ROBO2: variants seen among roughly 807,000 people sequenced by gnomAD.
ROBO2 encodes roundabout guidance receptor 2, also known as roundabout homolog 2.
A neutral mutation model predicts 160.8 loss-of-function variants in ROBO2; 53 were observed. The ratio of observed to expected loss-of-function variants is 0.33; its 90% CI spans 0.26 to 0.41. ROBO2 has a LOEUF of 0.41. ROBO2 is among the 10% of genes least tolerant of loss of function. ROBO2 has a pLI of 1.00. For missense variants in ROBO2, 1,577 were observed against 1,722.4 expected (o/e 0.92, Z 1.49); for synonymous variants, 664 against 611.7 (o/e 1.09, Z -1.26).
chr3:76,964,896 G>A (rs139946661), intron 2 of ROBO2, among the ~76,000 whole-genome samples: 42 of 152,284 alleles, frequency 2.8e-4, no homozygotes, highest in African/African-American at 1.0e-3. Flanking sequence ...AAATCAACTA[G>A]TTATTAGCTT....
intron 2 of ROBO2, among the ~76,000 whole-genome samples, chr3:77,311,740 G>A (rs1290895110): frequency 1.3e-5 from 2 of 152,064 alleles, no homozygotes; most frequent in African/African-American, 2.4e-5. Context: ...ATAATCATTT[G>A]TTTCTAATAA....
intron 2 of ROBO2, among the ~76,000 whole-genome samples, chr3:77,321,634 A>T (rs2064711240): frequency 1.3e-5 from 2 of 152,174 alleles, no homozygotes; most frequent in African/African-American, 4.8e-5. Flanking sequence ...GGCACTAGAG[A>T]TTAGTTGAGT....
intron 4 of ROBO2, among the ~76,000 whole-genome samples, chr3:77,490,870 T>C (rs2086021484): frequency 6.6e-6 from 1 of 152,250 alleles, no homozygotes; most frequent in African/African-American, 2.4e-5. Flanking sequence ...AACCATTGTG[T>C]CAGTTTAAGC....
At chr3:77,162,202 A>C (rs2078556258) in intron 2 of ROBO2, among the ~76,000 whole-genome samples, 1 of 152,174 alleles carries the variant, frequency 6.6e-6, no homozygotes, top group Admixed American at 6.5e-5. Flanking sequence ...CAGGAGAAAA[A>C]AATAAAACAG....
At chr3:75,985,842 C>T (rs1483811189) in intron 2 of ROBO2, among the ~76,000 whole-genome samples, 3 of 151,484 alleles carry the variant, frequency 2.0e-5, no homozygotes, top group African/African-American at 7.3e-5. Context: ...GCATAATGAC[C>T]TCAATTTCAT....
chr3:77,211,856 G>C (rs368901869), intron 2 of ROBO2, among the ~76,000 whole-genome samples: 5 of 152,046 alleles, frequency 3.3e-5, no homozygotes, highest in East Asian at 1.9e-4. Flanking sequence ...GCTTGTTTTT[G>C]TCAGGTTTGT....
intron 1 of ROBO2, among the ~76,000 whole-genome samples, chr3:75,926,940 G>C (rs1272965579): frequency 6.6e-6 from 1 of 152,150 alleles, no homozygotes; most frequent in Non-Finnish European, 1.5e-5. Context: ...CAGAGCATCA[G>C]TGCTTTGACC....
At chr3:75,952,517 A>G (rs1948581249) in intron 2 of ROBO2, among the ~76,000 whole-genome samples, 1 of 152,002 alleles carries the variant, frequency 6.6e-6, no homozygotes, top group South Asian at 2.1e-4. Flanking sequence ...GGTTTGCAGA[A>G]AGAAGTGAAT....
intron 2 of ROBO2, among the ~76,000 whole-genome samples, chr3:77,405,578 A>G (rs924443104): frequency 6.6e-6 from 1 of 151,942 alleles, no homozygotes; most frequent in Non-Finnish European, 1.5e-5. Context: ...TCAGAATTGC[A>G]ATTACTGAGT....
chr3:75,976,764 GGAA>G (rs1306540391), intron 2 of ROBO2, among the ~76,000 whole-genome samples: 24 of 151,414 alleles, frequency 1.6e-4, no homozygotes, highest in African/African-American at 5.6e-4. Context: ...ATACGGAAGA[GGAA>G]TTAGAAACAA....
chr3:76,144,974 T>A (rs2071830195), intron 2 of ROBO2, among the ~76,000 whole-genome samples: 1 of 147,380 alleles, frequency 6.8e-6, no homozygotes, highest in East Asian at 2.0e-4. Flanking sequence ...AGCTGTGGCT[T>A]AAAAAAAAAA....
intron 2 of ROBO2, chr3:77,317,538 A>G (rs2064131816): frequency 7.1e-6 from 10 of 1,400,188 alleles, no homozygotes; most frequent in South Asian, 2.3e-5. Context: ...TATTAAGCCA[A>G]TCCATAGCCC....
At chr3:77,632,453 G>A in intron 23 of ROBO2, 1 of 1,514,746 alleles carries the variant, frequency 6.6e-7, no homozygotes, top group Non-Finnish European at 8.8e-7. Context: ...CAACTCACTA[G>A]ACAACTACAT....
chr3:76,520,458 A>T (rs1016443973), intron 2 of ROBO2, among the ~76,000 whole-genome samples: 1 of 152,132 alleles, frequency 6.6e-6, no homozygotes, highest in Non-Finnish European at 1.5e-5. Flanking sequence ...CTCAAAAAAA[A>T]TTTCTAGTAC....
intron 2 of ROBO2, among the ~76,000 whole-genome samples, chr3:76,492,256 T>G (rs541872425): frequency 1.2e-3 from 178 of 152,336 alleles, no homozygotes; most frequent in African/African-American, 4.1e-3. Flanking sequence ...CTGTTTAATT[T>G]TATCAATCTG....
chr3:76,881,462 C>A (rs2073331365), intron 2 of ROBO2, among the ~76,000 whole-genome samples: 1 of 152,102 alleles, frequency 6.6e-6, no homozygotes. Flanking sequence ...CTAAATGAGA[C>A]TTTTCTTTTT....
chr3:76,073,267 C>CTTTT lies in ROBO2; in HGVS notation c.109+135706_109+135709dup, dbSNP rs869307615. Among the ~76,000 whole-genome samples the CTTTT allele has an allele frequency of 9.2e-4, 53 of 57,388 alleles. 15 individuals carry two copies. The highest frequency in any genetic ancestry group is 1.4e-3 in the Non-Finnish European group (39 of 28,414). The allele number at this position is 57,388 out of a possible 152,430, so 37.6% of individuals were successfully genotyped here. On this transcript the variant is annotated intron_variant, in intron 2 of 26. Transcript: ENST00000487694. Reference sequence around the variant, plus strand: ...TTGTAAACTTCTCAGAATGAGTATTCTTTTTTTTTTTTTTTTTTTTTTTTT... The same window carrying CTTTT: ...TTGTAAACTTCTCAGAATGAGTATTCTTTTTTTTTTTTTTTTTTTTTTTTTTTTT...
intron 2 of ROBO2, among the ~76,000 whole-genome samples, chr3:76,955,888 C>CA (rs35674535): frequency 0.48 from 58,952 of 123,836 alleles, 12,633 homozygotes; most frequent in South Asian, 0.62. Context: ...GAGACTCCGT[C>CA]AAAAAAAAAA....
At chr3:77,486,884 T>C (rs889889528) in intron 4 of ROBO2, among the ~76,000 whole-genome samples, 1 of 152,134 alleles carries the variant, frequency 6.6e-6, no homozygotes, top group African/African-American at 2.4e-5. Flanking sequence ...GTCTTTTCGC[T>C]GGAAGCTTTT....
Sources: allele counts gnomAD v4.1 joint callset (sites outside exome capture counted in the v4.1 genomes callset), GRCh38; gene constraint gnomAD v4.1.1; transcripts MANE v1.5; gene names NCBI Gene and HGNC (gene_info 2026-07-23, HGNC 2026-07-21).